STX11: variants seen among roughly 807,000 people sequenced by gnomAD.
The protein encoded by STX11 is syntaxin-11.
A neutral mutation model predicts 19.9 loss-of-function variants in STX11; 21 were observed. The ratio of observed to expected loss-of-function variants is 1.06; its 90% CI spans 0.75 to 1.52. The LOEUF (loss-of-function observed/expected upper bound fraction) is 1.52, where lower values mean the gene tolerates loss of function less well. STX11 is among the 40% of genes most tolerant of loss of function. STX11 has a pLI of 0.00. For missense variants in STX11, 438 were observed against 405.9 expected (o/e 1.08, Z -0.68); for synonymous variants, 193 against 174.4 (o/e 1.11, Z -0.84).
the STX11 span, among the ~76,000 whole-genome samples, chr6:144,145,251 A>G: frequency 1.3e-5 from 2 of 152,246 alleles, no homozygotes; most frequent in Non-Finnish European, 2.9e-5. Flanking sequence ...TGCTACATAC[A>G]GCATGGATAA....
In STX11 at chr6:144,159,022, A is replaced by G. The variant is rs982641749; in HGVS notation, c.-6+8319A>G. 3.3e-5 allele frequency among the ~76,000 whole-genome samples: 5 copies of G among 152,196 alleles called. No homozygotes were observed. Among genetic ancestry groups the G allele is most frequent in the African/African-American group, 1.2e-4 (5 of 41,428 alleles). ...CAGACTGACTTCTCAAAGTATTCCCATAGATCCCTCTATTATGGCATTTAT... is the reference window on the plus strand; with the variant it reads ...CAGACTGACTTCTCAAAGTATTCCCGTAGATCCCTCTATTATGGCATTTAT... On this transcript the variant is annotated intron_variant, in intron 1 of 1. Transcript: ENST00000367568. The surrounding 1 kb of genome is among the most constrained non-coding windows in gnomAD (Gnocchi z 4.3).
intron 1 of STX11, among the ~76,000 whole-genome samples, chr6:144,173,693 C>G: frequency 6.6e-6 from 1 of 152,206 alleles, no homozygotes; most frequent in East Asian, 1.9e-4. Flanking sequence ...CATTTTCAGC[C>G]TTTGGAGCTG....
In STX11 at chr6:144,187,313, T is replaced by G. The variant is rs757611316; in HGVS notation, c.686T>G (p.Leu229Trp). Reference protein sequence around the residue: ...SRIRDVHELFLQMAVLVEKQA... With the variant: ...SRIRDVHELFWQMAVLVEKQA... ...ATCCGCGACGTACACGAGCTCTTCT[T>G]GCAGATGGCGGTGCTGGTGGAGAAG... The change falls in exon 2 of 2, where the codon TTG becomes TGG. Residue 229 changes from leucine (L) to tryptophan (W), a missense_variant. Transcript: ENST00000367568. This position sits in a 1 kb window ranked among gnomAD's most constrained non-coding sequence, Gnocchi z 5.6. 34 of 1,611,610 alleles carry G rather than the reference T, an allele frequency of 2.1e-5. No homozygotes were observed. The highest frequency in any genetic ancestry group is 1.3e-5 in the African/African-American group (1 of 74,882).
chr6:144,166,409 C>G (rs1459729229), intron 1 of STX11, among the ~76,000 whole-genome samples: 2 of 152,094 alleles, frequency 1.3e-5, no homozygotes, highest in Non-Finnish European at 2.9e-5. Flanking sequence ...GGGTAACCAC[C>G]TTGAGGTTCT....
chr6:144,164,549 C>A (rs893321811), intron 1 of STX11, among the ~76,000 whole-genome samples: 1 of 152,130 alleles, frequency 6.6e-6, no homozygotes, highest in East Asian at 1.9e-4. Context: ...TAAACATTAC[C>A]AGTATCACTG....
chr6:144,157,909 A>G (rs1372934769), intron 1 of STX11, among the ~76,000 whole-genome samples: 2 of 152,014 alleles, frequency 1.3e-5, no homozygotes, highest in Admixed American at 6.5e-5. Flanking sequence ...AAAGTCCTCA[A>G]ACCAGTCCAG....
intron 1 of STX11, among the ~76,000 whole-genome samples, chr6:144,186,010 C>T (rs1309150954): frequency 1.3e-5 from 2 of 150,620 alleles, no homozygotes; most frequent in Non-Finnish European, 3.0e-5. Context: ...AGATTATCCT[C>T]AATTAAAAAT....
chr6:144,147,654 G>T (rs983887389), upstream of STX11, among the ~76,000 whole-genome samples: 1 of 151,978 alleles, frequency 6.6e-6, no homozygotes, highest in South Asian at 2.1e-4. This position sits in a 1 kb window ranked among gnomAD's most constrained non-coding sequence, Gnocchi z 4.2. Context: ...CCAAACTGAA[G>T]GTGTCCAAAA....
At position 144,189,750 on chromosome 6, in the gene STX11, T is replaced by A. The variant is rs559748493; in HGVS notation, c.*2259T>A. Reference sequence around the variant, plus strand: ...TAATTTCATGGTTAAATTTGAGAATTGTGGAAACCAAGTTCCACAAGGCTA... The same window carrying A: ...TAATTTCATGGTTAAATTTGAGAATAGTGGAAACCAAGTTCCACAAGGCTA... On this transcript the variant is annotated 3_prime_UTR_variant, in exon 2 of 2. Transcript: ENST00000367568. Among the ~76,000 whole-genome samples, 14 of 152,334 alleles carry A rather than the reference T, an allele frequency of 9.2e-5. No individual in the cohort carries two copies. Among genetic ancestry groups the A allele is most frequent in the African/African-American group, 3.4e-4 (14 of 41,580 alleles).
chr6:144,141,192 C>G, the STX11 span, among the ~76,000 whole-genome samples: 1 of 152,166 alleles, frequency 6.6e-6, no homozygotes, highest in African/African-American at 2.4e-5. Context: ...TTAAGTGGAT[C>G]AACTAGATTA....
At chr6:144,157,536 T>C (rs1395161555) in intron 1 of STX11, among the ~76,000 whole-genome samples, 1 of 152,218 alleles carries the variant, frequency 6.6e-6, no homozygotes, top group Non-Finnish European at 1.5e-5. Context: ...GACCATCACC[T>C]TGCAGAGTGG....
In STX11 at chr6:144,169,540, A is replaced by T. The variant is rs1801571177; in HGVS notation, c.-5-17083A>T. Among the ~76,000 whole-genome samples, 1 of 152,178 alleles carries T rather than the reference A, an allele frequency of 6.6e-6. No homozygotes were observed. The highest frequency in any genetic ancestry group is 6.5e-5 in the Admixed American group (1 of 15,280). ...GCATACCATTAAATGGCATGTGTTC[A>T]GTGTAAGGCTGATGGATCCACCCTT... On this transcript the variant is annotated intron_variant, in intron 1 of 1. Coordinates refer to ENST00000367568, the MANE Select transcript of STX11 (RefSeq NM_003764.4). This position sits in a 1 kb window ranked among gnomAD's most constrained non-coding sequence, Gnocchi z 5.2.
Position 144,159,342 on chromosome 6 carries a change from A to G in STX11, c.-6+8639A>G, listed in dbSNP as rs561413968. Among the ~76,000 whole-genome samples, 2 of 152,362 alleles carry G rather than the reference A, an allele frequency of 1.3e-5. No homozygotes were observed. The highest frequency in any genetic ancestry group is 2.1e-4 in the South Asian group (1 of 4,832). On this transcript the variant is annotated intron_variant, in intron 1 of 1. Coordinates refer to ENST00000367568, the MANE Select transcript of STX11 (RefSeq NM_003764.4). The surrounding 1 kb of genome is among the most constrained non-coding windows in gnomAD (Gnocchi z 4.3). ...ATAAAATATGGTGAGTACCAGAAAA[A>G]GCGAAGTGAAATTATAGAGCTGGAA... is the stretch of plus-strand genomic sequence containing the variant.
chr6:144,155,693 A>C lies in STX11; in HGVS notation c.-6+4990A>C, dbSNP rs557190453. 1.3e-5 allele frequency among the ~76,000 whole-genome samples: 2 copies of C among 152,300 alleles called. No individual in the cohort carries two copies. Among genetic ancestry groups the C allele is most frequent in the East Asian group, 1.9e-4 (1 of 5,172 alleles). On this transcript the variant is annotated intron_variant, in intron 1 of 1. Transcript: ENST00000367568. This position sits in a 1 kb window ranked among gnomAD's most constrained non-coding sequence, Gnocchi z 4.5. ...CTAGAGTTGGGGGCTCTGTTAAGCC[A>C]CCTCTAAGGCTCCTCCCCGTCCTAA...
chr6:144,189,810 C>A lies in STX11; in HGVS notation c.*2319C>A, dbSNP rs766963182. ...TTCTCCCAATTTCTTTTTCAGCCAACTCCAAGGATATGTATCACCTTTGAC... is the reference window on the plus strand; with the variant it reads ...TTCTCCCAATTTCTTTTTCAGCCAAATCCAAGGATATGTATCACCTTTGAC... On this transcript the variant is annotated 3_prime_UTR_variant, in exon 2 of 2. Transcript: ENST00000367568. Among the ~76,000 whole-genome samples, 13 of 152,174 alleles carry A rather than the reference C, an allele frequency of 8.5e-5. No individual in the cohort carries two copies. The highest frequency in any genetic ancestry group is 4.6e-4 in the Admixed American group (7 of 15,288).
At chr6:144,171,749 CCA>C (rs1801643969) in intron 1 of STX11, among the ~76,000 whole-genome samples, 2 of 151,664 alleles carry the variant, frequency 1.3e-5, no homozygotes, top group African/African-American at 2.4e-5. Context: ...GTAAGTATGA[CCA>C]CAGTCTTCAA....
In STX11 at chr6:144,164,471, A is replaced by C. The variant is rs372985502; in HGVS notation, c.-6+13768A>C. Among the ~76,000 whole-genome samples the C allele has an allele frequency of 1.4e-4, 22 of 152,326 alleles. No individual in the cohort carries two copies. The East Asian group carries it at 3.9e-3, about 27-fold the overall frequency. On this transcript the variant is annotated intron_variant, in intron 1 of 1. Coordinates refer to ENST00000367568, the MANE Select transcript of STX11 (RefSeq NM_003764.4). The stretch of plus-strand genomic sequence containing the variant: ...GTCTATTCACAAGAGAACAAATTAC[A>C]TTATTCTTTAGCTACAGAATTTTCT...
At chr6:144,157,998 AAAAAG>A (rs1486389714) in intron 1 of STX11, among the ~76,000 whole-genome samples, 2 of 152,134 alleles carry the variant, frequency 1.3e-5, no homozygotes, top group Admixed American at 1.3e-4. Flanking sequence ...AAAACAAAAA[AAAAAG>A]AAAAGAGAAA....
At chr6:144,150,859 A>G (rs1185994906) in intron 1 of STX11, among the ~76,000 whole-genome samples, 156 bp downstream of exon 1, 1 of 151,904 alleles carries the variant, frequency 6.6e-6, no homozygotes, top group Admixed American at 6.5e-5. Context: ...GCAGGTCCTC[A>G]CGCCGCCTCT....
Sources: gnomAD v4.1 joint callset for allele counts (sites outside exome capture counted in the v4.1 genomes callset) on GRCh38, gnomAD v4.1.1 for gene constraint, Gnocchi (gnomAD v3.1) non-coding constraint, MANE v1.5 for transcripts, NCBI Gene and HGNC (gene_info 2026-07-23, HGNC 2026-07-21) for gene names.